ANAPC10: variants seen among roughly 807,000 people sequenced by gnomAD.
ANAPC10 encodes the protein anaphase-promoting complex subunit 10.
ANAPC10 carries 12 observed loss-of-function variants against 22.0 expected under a neutral mutation model. That is an observed-to-expected ratio of 0.55 (90% CI 0.35 to 0.88). The LOEUF is 0.88. ANAPC10 is among the 40% of genes least tolerant of loss of function. The pLI, the probability that ANAPC10 is intolerant of heterozygous loss-of-function variation, is 0.01. For missense variants in ANAPC10, 188 were observed against 220.9 expected, an observed-to-expected ratio of 0.85 and a Z score of 0.94; for synonymous variants, 65 against 69.5, an observed-to-expected ratio of 0.94 and a Z score of 0.32.
intron 4 of ANAPC10, among the ~76,000 whole-genome samples, chr4:145,018,303 C>G (rs1415382377): frequency 1.3e-5 from 2 of 151,920 alleles, no homozygotes; most frequent in Non-Finnish European, 2.9e-5. Flanking sequence ...GGCCTAAATG[C>G]TCCATTTAAA....
At chr4:145,009,251 T>C (rs886710583) in intron 4 of ANAPC10, among the ~76,000 whole-genome samples, 3 of 152,092 alleles carry the variant, frequency 2.0e-5, no homozygotes, top group East Asian at 1.9e-4. Context: ...AAAATGGCCA[T>C]ATTGCCCAAG....
At chr4:145,072,019 C>CA (rs34425624) in intron 3 of ANAPC10, among the ~76,000 whole-genome samples, 2,128 of 149,670 alleles carry the variant, frequency 0.014, 27 homozygotes, top group Non-Finnish European at 0.015. Flanking sequence ...ACAAAAAAAA[C>CA]AAAAAAAAAC....
At chr4:145,031,708 G>C (rs1048204744) in intron 4 of ANAPC10, among the ~76,000 whole-genome samples, 4 of 152,226 alleles carry the variant, frequency 2.6e-5, no homozygotes, top group African/African-American at 9.6e-5. Flanking sequence ...TAGGGATGCT[G>C]TTTGGAGCCT....
intron 4 of ANAPC10, among the ~76,000 whole-genome samples, chr4:145,058,949 A>G (rs1742473619): frequency 1.3e-5 from 2 of 152,194 alleles, no homozygotes; most frequent in South Asian, 4.1e-4. Flanking sequence ...CAATGACTTC[A>G]AAGATGAACT....
chr4:145,037,414 C>T (rs573213096), intron 4 of ANAPC10, among the ~76,000 whole-genome samples: 5 of 151,912 alleles, frequency 3.3e-5, no homozygotes, highest in African/African-American at 1.2e-4. Flanking sequence ...ACACCCAGCC[C>T]TATCACCATA....
chr4:145,022,695 A>C (rs1736125058), intron 4 of ANAPC10, among the ~76,000 whole-genome samples: 1 of 151,956 alleles, frequency 6.6e-6, no homozygotes. Flanking sequence ...ATTCATATAT[A>C]GAACTTTCTG....
chr4:144,998,300 A>G (rs1375279369), intron 4 of ANAPC10, among the ~76,000 whole-genome samples: 1 of 152,208 alleles, frequency 6.6e-6, no homozygotes, highest in African/African-American at 2.4e-5. Context: ...ACCACATTGC[A>G]CTTATTCCAA....
At chr4:145,090,621 G>C (rs901895741) in intron 2 of ANAPC10, among the ~76,000 whole-genome samples, 3 of 152,144 alleles carry the variant, frequency 2.0e-5, no homozygotes, top group Non-Finnish European at 2.9e-5. Flanking sequence ...TGTGATCTTT[G>C]TCAAATTACT....
chr4:145,034,486 T>C (rs531193845), intron 4 of ANAPC10, among the ~76,000 whole-genome samples: 15 of 146,678 alleles, frequency 1.0e-4, no homozygotes, highest in African/African-American at 3.4e-4. Context: ...TTGTGGGACC[T>C]TGTGATTCTG....
chr4:145,022,026 A>T (rs1736028553), intron 4 of ANAPC10, among the ~76,000 whole-genome samples: 2 of 152,124 alleles, frequency 1.3e-5, no homozygotes. Flanking sequence ...GTTGCTGGGG[A>T]TGCAGTGATC....
chr4:145,001,354 C>A (rs1732539850), intron 4 of ANAPC10, among the ~76,000 whole-genome samples: 1 of 152,004 alleles, frequency 6.6e-6, no homozygotes, highest in South Asian at 2.1e-4. Flanking sequence ...AAGTGAAATA[C>A]ACCAGCCACA....
At chr4:145,081,630 A>G in intron 3 of ANAPC10, 30 bp downstream of exon 3, 21 of 1,393,388 alleles carry the variant, frequency 1.5e-5, no homozygotes, top group Non-Finnish European at 2.1e-5. Context: ...AACCTACAGT[A>G]GATGAAAAAT....
At chr4:145,042,242 A>C (rs567203126) in intron 4 of ANAPC10, among the ~76,000 whole-genome samples, 1 of 152,294 alleles carries the variant, frequency 6.6e-6, no homozygotes, top group South Asian at 2.1e-4. Flanking sequence ...TCAAAAATTA[A>C]AAATTATTCT....
intron 4 of ANAPC10, among the ~76,000 whole-genome samples, chr4:145,011,048 T>C (rs1049988178): frequency 1.3e-5 from 2 of 152,032 alleles, no homozygotes; most frequent in African/African-American, 2.4e-5. Context: ...TTCAAGAGGA[T>C]TGCCTGAACG....
chr4:145,051,864 A>G (rs781542900), intron 4 of ANAPC10, among the ~76,000 whole-genome samples: 9 of 152,216 alleles, frequency 5.9e-5, no homozygotes, highest in Non-Finnish European at 1.2e-4. Context: ...AATTTAGTCT[A>G]AGGACACTAT....
intron 3 of ANAPC10, among the ~76,000 whole-genome samples, chr4:145,071,636 G>A (rs1401824585): frequency 6.6e-6 from 1 of 152,052 alleles, no homozygotes; most frequent in Non-Finnish European, 1.5e-5. Flanking sequence ...CAAGAAACTG[G>A]GAAAAGGGAA....
intron 4 of ANAPC10, among the ~76,000 whole-genome samples, chr4:145,010,638 A>C (rs1000856303): frequency 3.3e-5 from 5 of 152,060 alleles, no homozygotes; most frequent in Admixed American, 6.6e-5. Context: ...ACACTTGGAC[A>C]CAGGGTGGGG....
chr4:145,035,812 A>T (rs957367919), intron 4 of ANAPC10, among the ~76,000 whole-genome samples: 11 of 152,134 alleles, frequency 7.2e-5, no homozygotes, highest in Admixed American at 6.6e-4. Flanking sequence ...TATTTAACCA[A>T]CTTCTACTTG....
At chr4:145,054,648 CGCGCGCGTGCGT>C (rs1741743858) in intron 4 of ANAPC10, among the ~76,000 whole-genome samples, 1 of 143,160 alleles carries the variant, frequency 7.0e-6, no homozygotes. Context: ...TGTGCGCGCG[CGCGCGCGTGCGT>C]GCAGCGCATG....
Sources: gnomAD v4.1 joint callset for allele counts (sites outside exome capture counted in the v4.1 genomes callset) on GRCh38, gnomAD v4.1.1 for gene constraint, MANE v1.5 for transcripts, NCBI Gene and HGNC (gene_info 2026-07-23, HGNC 2026-07-21) for gene names.